OSBPL6: variants seen among roughly 807,000 people sequenced by gnomAD.
The protein encoded by OSBPL6 is oxysterol-binding protein-related protein 6.
OSBPL6 carries 49 observed loss-of-function variants against 125.8 expected under a neutral mutation model. That is an observed-to-expected ratio of 0.39 (90% CI 0.31 to 0.49). The LOEUF (loss-of-function observed/expected upper bound fraction) is 0.49. Ranked by LOEUF, OSBPL6 falls within the 20% of genes least tolerant of loss-of-function variation. The pLI is 0.88. For missense variants in OSBPL6, 986 were observed against 1,135.4 expected (o/e 0.87, Z 1.89); for synonymous variants, 394 against 391.8 (o/e 1.01, Z -0.07).
rs1267252520 is a variant in OSBPL6, at chr2:178,383,008, ACT to A, written c.1622-12_1622-11del. The A allele has an allele frequency of 6.2e-7, 1 of 1,613,162 alleles. No individual in the cohort carries two copies. Among genetic ancestry groups the A allele is most frequent in the Admixed American group, 1.7e-5 (1 of 59,898 alleles). ...GAACAGCAAAGTGTCCTTCACTGTG[ACT>A]CTCCTTCTTCCAGTCCTGAATGGGG... On this transcript the variant is annotated splice_polypyrimidine_tract_variant and intron_variant, in intron 16 of 24. Transcript: ENST00000190611.
chr2:178,333,380 G>A (rs779160826), intron 8 of OSBPL6, among the ~76,000 whole-genome samples: 7 of 151,984 alleles, frequency 4.6e-5, no homozygotes, highest in Non-Finnish European at 1.0e-4. Flanking sequence ...GCAAGACTGC[G>A]TCTCAAAAAT....
intron 1 of OSBPL6, among the ~76,000 whole-genome samples, chr2:178,274,503 T>C (rs891291056): frequency 7.9e-5 from 12 of 152,194 alleles, no homozygotes; most frequent in Non-Finnish European, 1.2e-4. Context: ...TCTCTCCATC[T>C]TCACAGATCA....
At chr2:178,271,519 G>C (rs1243518727) in intron 1 of OSBPL6, among the ~76,000 whole-genome samples, 1 of 151,916 alleles carries the variant, frequency 6.6e-6, no homozygotes, top group Non-Finnish European at 1.5e-5. Flanking sequence ...ATTCAGCCAG[G>C]GTTATTCAGT....
intron 12 of OSBPL6, among the ~76,000 whole-genome samples, chr2:178,359,395 G>C (rs1326874479): frequency 6.6e-6 from 1 of 152,114 alleles, no homozygotes; most frequent in East Asian, 1.9e-4. Flanking sequence ...TTAAAAAGAC[G>C]AGACAAATGT....
At chr2:178,304,024 C>T (rs1157467133) in intron 2 of OSBPL6, among the ~76,000 whole-genome samples, 1 of 152,090 alleles carries the variant, frequency 6.6e-6, no homozygotes, top group East Asian at 1.9e-4. Flanking sequence ...AACAGAATAC[C>T]CAAGACTGGG....
At chr2:178,324,587 GA>G (rs1054654830) in intron 4 of OSBPL6, among the ~76,000 whole-genome samples, 1 of 151,850 alleles carries the variant, frequency 6.6e-6, no homozygotes, top group African/African-American at 2.4e-5. Flanking sequence ...TAATGGAAAA[GA>G]AAAAAAACTG....
rs1166713981 is a variant in OSBPL6 at position 178,396,409 on chromosome 2, A to G, written c.*850A>G. The G allele has an allele frequency of 6.6e-6, 1 of 152,266 alleles. No homozygotes were observed. Among genetic ancestry groups the G allele is most frequent in the Non-Finnish European group, 1.5e-5 (1 of 68,082 alleles). 9.4% of individuals were successfully genotyped at this position (152,266 alleles called of 1,614,324 possible). A position where few individuals can be genotyped will look rare whatever the true frequency, so the allele number is the denominator to read the frequency against. On this transcript the variant is annotated 3_prime_UTR_variant, in exon 25 of 25. Coordinates refer to ENST00000190611, the MANE Select transcript of OSBPL6 (RefSeq NM_032523.4). ...ATAATAAACCATCCCTCTTCCACCT[A>G]ACCTCACAGTGTGCCCTATTATTTG...
intron 1 of OSBPL6, among the ~76,000 whole-genome samples, chr2:178,196,497 C>G (rs534166989): frequency 6.6e-6 from 1 of 152,232 alleles, no homozygotes; most frequent in South Asian, 2.1e-4. Context: ...TCAGGTGACT[C>G]TTGGCTTTAG....
intron 1 of OSBPL6, among the ~76,000 whole-genome samples, chr2:178,284,024 A>G (rs1336284760): frequency 6.6e-6 from 1 of 152,164 alleles, no homozygotes; most frequent in Non-Finnish European, 1.5e-5. Flanking sequence ...GCCAAATTAT[A>G]TCCAAACCAT....
chr2:178,372,984 A>C (rs1361510132), intron 14 of OSBPL6, among the ~76,000 whole-genome samples: 1 of 152,216 alleles, frequency 6.6e-6, no homozygotes, highest in Non-Finnish European at 1.5e-5. Flanking sequence ...GTAATGTTAG[A>C]GCTTTATATA....
chr2:178,388,155 C>A, intron 20 of OSBPL6, among the ~76,000 whole-genome samples: 1 of 152,282 alleles, frequency 6.6e-6, no homozygotes, highest in South Asian at 2.1e-4. Flanking sequence ...AACGTACAAA[C>A]TTAAATGTGA....
Position 178,402,065 on chromosome 2 carries a change from A to AG in OSBPL6, c.*6506_*6507insG, listed in dbSNP as rs1559342339. On this transcript the variant is annotated 3_prime_UTR_variant, in exon 25 of 25. Coordinates refer to ENST00000190611, the MANE Select transcript of OSBPL6 (RefSeq NM_032523.4). ...TGCCGCTGTGAGCTATGATTGCACC[A>AG]CTGCCCTGAGCCTGGACGACAGAGC... is the stretch of plus-strand genomic sequence containing the variant. 9 of 152,094 alleles carry AG rather than the reference A, an allele frequency of 5.9e-5. No homozygotes were observed. The highest frequency in any genetic ancestry group is 2.2e-4 in the African/African-American group (9 of 41,388). 9.4% of individuals were successfully genotyped at this position (152,094 alleles called of 1,614,324 possible). A position where few individuals can be genotyped will look rare whatever the true frequency, so the allele number is the denominator to read the frequency against.
Position 178,236,661 on chromosome 2 carries a change from G to A in OSBPL6, c.-351+41987G>A, listed in dbSNP as rs146477333. 1.7e-3 allele frequency among the ~76,000 whole-genome samples: 257 copies of A among 152,330 alleles called. 1 individual carries two copies. Among genetic ancestry groups the A allele is most frequent in the African/African-American group, 5.6e-3 (231 of 41,568 alleles). The stretch of plus-strand genomic sequence containing the variant: ...AAGTAAGTGGTCTCCAAAGACTGAT[G>A]CTGGTAGGAATGTATGATATAGTCC... On this transcript the variant is annotated intron_variant, in intron 1 of 24. Transcript: ENST00000190611.
rs183535430 is a variant in OSBPL6, at chr2:178,283,453, A to G, written c.-350-1474A>G. ...TTGAAAAAGTCAAACCCAGGGAGTGATTTTTAAAGCTGGCTTGTGAATAAA... is the reference window on the plus strand; with the variant it reads ...TTGAAAAAGTCAAACCCAGGGAGTGGTTTTTAAAGCTGGCTTGTGAATAAA... On this transcript the variant is annotated intron_variant, in intron 1 of 24. Coordinates refer to ENST00000190611, the MANE Select transcript of OSBPL6 (RefSeq NM_032523.4). Among the ~76,000 whole-genome samples, 774 of 152,194 alleles carry G rather than the reference A, an allele frequency of 5.1e-3. 2 individuals carry two copies. The highest frequency in any genetic ancestry group is 8.8e-3 in the Non-Finnish European group (597 of 68,002).
chr2:178,371,866 T>G (rs755599884), intron 13 of OSBPL6, among the ~76,000 whole-genome samples: 1 of 152,160 alleles, frequency 6.6e-6, no homozygotes, highest in Non-Finnish European at 1.5e-5. Flanking sequence ...AAAGAAAATT[T>G]CATGAATCAC....
At chr2:178,332,589 A>T in intron 6 of OSBPL6, 52 bp from the exon 7 acceptor site, 2 of 1,348,868 alleles carry the variant, frequency 1.5e-6, no homozygotes, top group Middle Eastern at 1.8e-4. Flanking sequence ...TACAGTACAG[A>T]AACATCAAAT....
At chr2:178,334,776 C>T (rs970773997) in intron 8 of OSBPL6, among the ~76,000 whole-genome samples, 1 of 152,212 alleles carries the variant, frequency 6.6e-6, no homozygotes, top group Admixed American at 6.5e-5. Flanking sequence ...CCCACCTCGG[C>T]CTCCCAAAGT....
chr2:178,363,651 C>T (rs898126245), intron 13 of OSBPL6, among the ~76,000 whole-genome samples: 2 of 152,114 alleles, frequency 1.3e-5, no homozygotes, highest in Non-Finnish European at 2.9e-5. Flanking sequence ...AAGGAAGGGT[C>T]TGATGCTAAC....
chr2:178,389,816 T>C (rs183071551), intron 21 of OSBPL6, among the ~76,000 whole-genome samples: 176 of 152,300 alleles, frequency 1.2e-3, no homozygotes, highest in Admixed American at 5.0e-3. Context: ...CCAGCTACCA[T>C]ACCTGTTCAA....
Sources: gnomAD v4.1 joint callset for allele counts (sites outside exome capture counted in the v4.1 genomes callset) on GRCh38, gnomAD v4.1.1 for gene constraint, MANE v1.5 for transcripts, NCBI Gene and HGNC (gene_info 2026-07-23, HGNC 2026-07-21) for gene names.